The following GINS2 variants were observed in gnomAD, a reference collection of about 807,000 sequenced individuals.
GINS2 encodes DNA replication complex GINS protein PSF2.
GINS2 carries 23 observed loss-of-function variants against 21.2 expected under a neutral mutation model. That is an observed-to-expected ratio of 1.08 (90% CI 0.78 to 1.53). GINS2 has a LOEUF of 1.53. Among genes scored for constraint, GINS2 ranks in the 40% most tolerant of loss-of-function variants. The pLI is 0.00. For missense variants in GINS2, 323 were observed against 233.9 expected, an observed-to-expected ratio of 1.38 and a Z score of -2.49; for synonymous variants, 118 against 85.6, an observed-to-expected ratio of 1.38 and a Z score of -2.09.
rs1230301212 is a variant in GINS2 at position 85,676,310 on chromosome 16, A to G, written c.*1902T>C. The G allele has an allele frequency of 1.3e-5, 2 of 152,262 alleles. No homozygotes were observed. The highest frequency in any genetic ancestry group is 4.8e-5 in the African/African-American group (2 of 41,472). The allele number at this position is 152,262 out of a possible 1,614,324, so 9.4% of individuals were successfully genotyped here. A position where few individuals can be genotyped will look rare whatever the true frequency, so the allele number is the denominator to read the frequency against. On this transcript the variant is annotated 3_prime_UTR_variant, in exon 5 of 5. Coordinates refer to ENST00000253462, the MANE Select transcript of GINS2 (RefSeq NM_016095.3). The stretch of plus-strand genomic sequence containing the variant: ...TGCCTCCACTGGCTCAGGCTCTAAG[A>G]GGAGGGCATTAGGACCCCTTGCCCT...
At chr16:85,678,468 C>A (rs2053704159) in intron 4 of GINS2, 72 bp downstream of exon 4, 1 of 1,574,962 alleles carries the variant, frequency 6.3e-7, no homozygotes, top group Non-Finnish European at 8.7e-7. Flanking sequence ...CCTGTAATAG[C>A]CTCAGCAGAC....
rs1007035790 is a variant in GINS2 at position 85,677,941 on chromosome 16, CTT to C, written c.*269_*270del. 2.8e-6 allele frequency: 1 copy of C among 362,690 alleles called. No homozygotes were observed. Among genetic ancestry groups the C allele is most frequent in the Non-Finnish European group, 5.1e-6 (1 of 197,932 alleles). 22.5% of individuals were successfully genotyped at this position (362,690 alleles called of 1,614,324 possible). ...CAAGTGGCTCTGCTAGGGAGAATGA[CTT>C]ATTTACCTAAGGCTTTTTTATTTCT... On this transcript the variant is annotated 3_prime_UTR_variant, in exon 5 of 5. Transcript: ENST00000253462.
At chr16:85,681,280 G>C (rs2053729937) in intron 3 of GINS2, among the ~76,000 whole-genome samples, 1 of 152,262 alleles carries the variant, frequency 6.6e-6, no homozygotes, top group African/African-American at 2.4e-5. Context: ...GGGGTCCAAT[G>C]TCGAGTGATG....
intron 2 of GINS2, among the ~76,000 whole-genome samples, chr16:85,685,997 A>C (rs1320053835): frequency 6.9e-6 from 1 of 144,010 alleles, no homozygotes; most frequent in East Asian, 2.0e-4. Flanking sequence ...ACCAACACAC[A>C]CAAAAAAATT....
chr16:85,679,505 C>G (rs982885742), intron 3 of GINS2, among the ~76,000 whole-genome samples: 1 of 152,196 alleles, frequency 6.6e-6, no homozygotes, highest in African/African-American at 2.4e-5. Context: ...TGGCAAACCA[C>G]TGGTACAAAA....
At chr16:85,682,143 C>T (rs986717763) in intron 2 of GINS2, among the ~76,000 whole-genome samples, 1 of 150,852 alleles carries the variant, frequency 6.6e-6, no homozygotes, top group East Asian at 2.0e-4. Flanking sequence ...CCTCCCGCCT[C>T]AGCCTCCCAA....
chr16:85,681,902 T>G (rs1242370265), intron 2 of GINS2, among the ~76,000 whole-genome samples: 4 of 152,180 alleles, frequency 2.6e-5, no homozygotes, highest in Non-Finnish European at 5.9e-5. Context: ...TGTCGCTGCT[T>G]TAGCCTGCAG....
chr16:85,686,372 C>T (rs1410019999), intron 2 of GINS2, among the ~76,000 whole-genome samples: 2 of 151,058 alleles, frequency 1.3e-5, no homozygotes, highest in African/African-American at 2.4e-5. Context: ...GAGCCGAGAT[C>T]GCACCACTGC....
intron 3 of GINS2, 32 bp downstream of exon 3, chr16:85,681,550 G>C (rs2053733004): frequency 1.6e-6 from 2 of 1,250,240 alleles, no homozygotes; most frequent in South Asian, 2.4e-5. Flanking sequence ...TCCAGTCTTG[G>C]GTGTGGCCTC....
intron 3 of GINS2, among the ~76,000 whole-genome samples, chr16:85,680,692 G>A (rs563146446): frequency 5.3e-5 from 8 of 151,074 alleles, no homozygotes; most frequent in African/African-American, 1.7e-4. Context: ...CATGTGTGCT[G>A]AACCCAGAAG....
intron 2 of GINS2, among the ~76,000 whole-genome samples, chr16:85,682,617 G>A (rs937346268): frequency 1.3e-5 from 2 of 151,430 alleles, no homozygotes; most frequent in East Asian, 1.9e-4. Flanking sequence ...ATATCCTAGA[G>A]GGCTAAGCCA....
At position 85,678,149 on chromosome 16, in the gene GINS2, G is replaced by A. The variant is rs74346951; in HGVS notation, c.*63C>T. 4,802 of 1,489,242 alleles carry A rather than the reference G, an allele frequency of 3.2e-3. 9 individuals are homozygous for A. Among genetic ancestry groups the A allele is most frequent in the Non-Finnish European group, 4.2e-3 (4,495 of 1,080,092 alleles). The allele number at this position is 1,489,242 out of a possible 1,614,324, so 92.3% of individuals were successfully genotyped here. A position where few individuals can be genotyped will look rare whatever the true frequency, so the allele number is the denominator to read the frequency against. Reference sequence around the variant, plus strand: ...AGTGTTTCTAGAGCTCCAGAACCACGAGTACCTCATCACGTCCTGAGCGCT... The same window carrying A: ...AGTGTTTCTAGAGCTCCAGAACCACAAGTACCTCATCACGTCCTGAGCGCT... On this transcript the variant is annotated 3_prime_UTR_variant, in exon 5 of 5. Coordinates refer to ENST00000253462, the MANE Select transcript of GINS2 (RefSeq NM_016095.3).
intron 1 of GINS2, chr16:85,687,823 G>A: frequency 2.7e-6 from 1 of 365,574 alleles, no homozygotes; most frequent in East Asian, 4.6e-5. Flanking sequence ...GAGTGGGTGG[G>A]GGGCGCTCCC....
chr16:85,687,669 A>G (rs923827584), intron 1 of GINS2, 95 bp from the exon 2 acceptor site: 2 of 665,002 alleles, frequency 3.0e-6, no homozygotes, highest in Non-Finnish European at 5.0e-6. Flanking sequence ...AAGGCATTGC[A>G]GAGGCTGAAG....
chr16:85,684,489 G>T (rs953109130), intron 2 of GINS2, among the ~76,000 whole-genome samples: 1 of 152,110 alleles, frequency 6.6e-6, no homozygotes, highest in African/African-American at 2.4e-5. Flanking sequence ...CTGGGCAACA[G>T]AGAAATCCCT....
chr16:85,683,048 G>A (rs1162120507), intron 2 of GINS2, among the ~76,000 whole-genome samples: 1 of 152,038 alleles, frequency 6.6e-6, no homozygotes, highest in Non-Finnish European at 1.5e-5. Flanking sequence ...TCGAGGACCA[G>A]CCTTCCAGGT....
At chr16:85,680,103 T>C (rs763693969) in intron 3 of GINS2, among the ~76,000 whole-genome samples, 1 of 152,152 alleles carries the variant, frequency 6.6e-6, no homozygotes. Context: ...AGAGCATTGG[T>C]CACACTGAAG....
Position 85,678,610 on chromosome 16 carries a change from C to T in GINS2, c.362G>A (p.Trp121Ter), listed in dbSNP as rs1462821683. 12 of 1,613,792 alleles carry T rather than the reference C, an allele frequency of 7.4e-6. No homozygotes were observed. The highest frequency in any genetic ancestry group is 1.0e-5 in the Non-Finnish European group (12 of 1,179,922). The change falls in exon 4 of 5, where the codon TGG (tryptophan) becomes TAG (stop). Residue 121 changes from tryptophan to a stop codon, truncating the protein, a stop_gained. Coordinates refer to ENST00000253462, the MANE Select transcript of GINS2 (RefSeq NM_016095.3). LOFTEE classifies it high-confidence loss of function. ...DEIRTLVKDMWDTRIAKLRVS... is the reference protein window; with the variant it reads ...DEIRTLVKDM ...TCGGAGTTTGGCTATACGAGTGTCCCACATATCCTTGACCAGGGTCCGGAT... is the reference window on the plus strand; with the variant it reads ...TCGGAGTTTGGCTATACGAGTGTCCTACATATCCTTGACCAGGGTCCGGAT...
rs534723847 is a variant in GINS2 at position 85,677,975 on chromosome 16, T to C, written c.*237A>G. ...CTAAGGCTTTTTTATTTCTCAAAAG[T>C]GGGGGGAAAAAGGGCTGGTTTCTAG... On this transcript the variant is annotated 3_prime_UTR_variant, in exon 5 of 5. Coordinates refer to ENST00000253462, the MANE Select transcript of GINS2 (RefSeq NM_016095.3). 2.2e-6 allele frequency: 1 copy of C among 451,086 alleles called. No homozygotes were observed. 27.9% of individuals were successfully genotyped at this position (451,086 alleles called of 1,614,324 possible).
Sources: allele counts gnomAD v4.1 joint callset (sites outside exome capture counted in the v4.1 genomes callset), GRCh38; gene constraint gnomAD v4.1.1; transcripts MANE v1.5; gene names NCBI Gene and HGNC (gene_info 2026-07-23, HGNC 2026-07-21).